WDPCP: variants seen among roughly 807,000 people sequenced by gnomAD.
WDPCP encodes the protein WD repeat containing planar cell polarity effector, also known as WD repeat-containing and planar cell polarity effector protein fritz homolog.
WDPCP carries 71 observed loss-of-function variants against 93.1 expected under a neutral mutation model. That is an observed-to-expected ratio of 0.76 (90% CI 0.63 to 0.93). The LOEUF (loss-of-function observed/expected upper bound fraction) is 0.93. Among genes scored for constraint, WDPCP ranks in the 40% least tolerant of loss-of-function variants. The probability of loss-of-function intolerance (pLI) is 0.00; values close to 1 mark genes in which losing one functional copy is unlikely to be tolerated. For missense variants in WDPCP, 844 were observed against 887.4 expected, an observed-to-expected ratio of 0.95 and a Z score of 0.62; for synonymous variants, 315 against 315.0, an observed-to-expected ratio of 1.00 and a Z score of 0.00.
chr2:63,167,167 C>T (rs1351118781), intron 15 of WDPCP, among the ~76,000 whole-genome samples: 3 of 152,120 alleles, frequency 2.0e-5, no homozygotes, highest in Non-Finnish European at 4.4e-5. Context: ...TGACTGTTTT[C>T]GTGCTACAAC....
intron 17 of WDPCP, among the ~76,000 whole-genome samples, chr2:63,144,197 C>T (rs1671299641): frequency 6.6e-6 from 1 of 152,076 alleles, no homozygotes; most frequent in South Asian, 2.1e-4. Flanking sequence ...TGTTTTCGAG[C>T]TCTGAATTTC....
chr2:63,358,874 A>G (rs918743142), intron 12 of WDPCP, among the ~76,000 whole-genome samples: 3 of 152,182 alleles, frequency 2.0e-5, no homozygotes, highest in Non-Finnish European at 4.4e-5. Flanking sequence ...ATTTCTATAC[A>G]GACTACCCAG....
intron 2 of WDPCP, among the ~76,000 whole-genome samples, chr2:63,677,007 C>CA (rs1234513840): frequency 1.3e-5 from 2 of 151,992 alleles, no homozygotes; most frequent in African/African-American, 4.8e-5. Context: ...ATAATTATTT[C>CA]AAAAAAATGT....
chr2:63,311,085 G>A (rs1686150547), intron 13 of WDPCP, among the ~76,000 whole-genome samples: 1 of 152,080 alleles, frequency 6.6e-6, no homozygotes, highest in Non-Finnish European at 1.5e-5. Context: ...TTCTTATCAT[G>A]TTGTATGCCT....
intron 3 of WDPCP, chr2:63,599,979 G>A (rs1025704071): frequency 3.3e-5 from 5 of 152,224 alleles, no homozygotes; most frequent in Non-Finnish European, 7.3e-5. Flanking sequence ...CCTGGTGCCC[G>A]TTCTTGGACA....
chr2:63,831,378 A>T (rs1220965459), upstream of WDPCP, among the ~76,000 whole-genome samples: 1 of 152,076 alleles, frequency 6.6e-6, no homozygotes, highest in African/African-American at 2.4e-5. Flanking sequence ...CCTAGAATAC[A>T]CAATGCTCTG....
In WDPCP at chr2:63,119,967, G is replaced by A. The variant is rs1574650046; in HGVS notation, c.*2039C>T. Reference sequence around the variant, plus strand: ...AACTTTTCTAGAGGTATGTGAAGTGGGGAAAATGGGTACTTTAAGAACTAT... The same window carrying A: ...AACTTTTCTAGAGGTATGTGAAGTGAGGAAAATGGGTACTTTAAGAACTAT... On this transcript the variant is annotated 3_prime_UTR_variant, in exon 18 of 18. Transcript: ENST00000272321. Among the ~76,000 whole-genome samples, 2 of 152,026 alleles carry A rather than the reference G, an allele frequency of 1.3e-5. No homozygotes were observed. Among genetic ancestry groups the A allele is most frequent in the African/African-American group, 4.8e-5 (2 of 41,374 alleles).
At chr2:63,304,482 C>T (rs988166305) in intron 13 of WDPCP, among the ~76,000 whole-genome samples, 9 of 152,304 alleles carry the variant, frequency 5.9e-5, no homozygotes, top group African/African-American at 1.9e-4. Flanking sequence ...CACAAGGGGT[C>T]GGGGAACTCC....
At chr2:63,174,855 G>A (rs1467090239) in intron 14 of WDPCP, 23 bp from the exon 15 acceptor site, 1 of 1,610,234 alleles carries the variant, frequency 6.2e-7, no homozygotes, top group Non-Finnish European at 8.5e-7. Flanking sequence ...ATTAATATGT[G>A]AGTGAAATAC....
intron 1 of WDPCP, among the ~76,000 whole-genome samples, chr2:63,535,529 C>A (rs1330798196): frequency 6.6e-6 from 1 of 152,154 alleles, no homozygotes; most frequent in African/African-American, 2.4e-5. Context: ...ACCAATGGAA[C>A]AGAACAGAGC....
chr2:63,626,598 G>T (rs1229966051), intron 3 of WDPCP, among the ~76,000 whole-genome samples: 1 of 152,190 alleles, frequency 6.6e-6, no homozygotes, highest in African/African-American at 2.4e-5. Context: ...CTGGTCATTA[G>T]AGAAATGCAA....
chr2:63,773,606 T>C (rs1037251887), intron 2 of WDPCP, among the ~76,000 whole-genome samples: 3 of 152,096 alleles, frequency 2.0e-5, no homozygotes, highest in Non-Finnish European at 4.4e-5. Flanking sequence ...TTCAATAAAA[T>C]AATTCATAAA....
chr2:63,697,516 AT>A (rs1483630693), intron 2 of WDPCP, among the ~76,000 whole-genome samples: 13 of 152,232 alleles, frequency 8.5e-5, no homozygotes, highest in Admixed American at 8.5e-4. Flanking sequence ...TCGTATGATC[AT>A]ACACACAAAG....
chr2:63,130,517 A>T (rs1345593612), intron 17 of WDPCP, among the ~76,000 whole-genome samples: 2 of 152,146 alleles, frequency 1.3e-5, no homozygotes, highest in Non-Finnish European at 2.9e-5. Flanking sequence ...GTAGCTTTGT[A>T]GTAAATTTTG....
At chr2:63,441,091 T>TA (rs1697471657) in intron 6 of WDPCP, 1 of 152,144 alleles carries the variant, frequency 6.6e-6, no homozygotes, top group Non-Finnish European at 1.5e-5. Flanking sequence ...TTATTTGACT[T>TA]AACAGATTAT....
At position 63,536,195 on chromosome 2, in the gene WDPCP, T is replaced by A. The variant is rs370117798; in HGVS notation, c.76-43255A>T. Among the ~76,000 whole-genome samples, 14 of 152,252 alleles carry A rather than the reference T, an allele frequency of 9.2e-5. No homozygotes were observed. In the East Asian group the frequency reaches 2.1e-3, roughly 23 times the overall value. ...CTCACACCAGTTAGAATGGCGATCA[T>A]TAAAAAGTCAGGAAACAACAGGTCT... On this transcript the variant is annotated intron_variant, in intron 1 of 17. Transcript: ENST00000272321.
chr2:63,801,439 A>G (rs1292421439), intron 2 of WDPCP, among the ~76,000 whole-genome samples: 4 of 152,174 alleles, frequency 2.6e-5, no homozygotes, highest in Non-Finnish European at 5.9e-5. Flanking sequence ...GAGGAGCAGC[A>G]AGATTTATCA....
chr2:63,838,532 G>A, the WDPCP span, among the ~76,000 whole-genome samples: 4 of 152,068 alleles, frequency 2.6e-5, no homozygotes, highest in Non-Finnish European at 5.9e-5. Flanking sequence ...CCTTAACCCT[G>A]TACACACTCT....
rs563297901 is a variant in WDPCP at position 63,282,266 on chromosome 2, G to T, written c.1813-22857C>A. The stretch of plus-strand genomic sequence containing the variant: ...TCACGCCTGTAATCCCAGCACTTTG[G>T]GAGGCTGAGGCAGGTGGATCATGAG... On this transcript the variant is annotated intron_variant, in intron 13 of 17. Transcript: ENST00000272321. Among the ~76,000 whole-genome samples the T allele has an allele frequency of 3.3e-5, 5 of 152,280 alleles. No individual in the cohort carries two copies. In the South Asian group the frequency reaches 1.0e-3, roughly 32 times the overall value.
Sources: allele counts gnomAD v4.1 joint callset (sites outside exome capture counted in the v4.1 genomes callset), GRCh38; gene constraint gnomAD v4.1.1; transcripts MANE v1.5; gene names NCBI Gene and HGNC (gene_info 2026-07-23, HGNC 2026-07-21).